ACOT7: variants seen among roughly 807,000 people sequenced by gnomAD.
The protein encoded by ACOT7 is cytosolic acyl coenzyme A thioester hydrolase.
Under a neutral mutation model 40.2 loss-of-function variants are expected in ACOT7, and 12 were observed. The ratio of observed to expected loss-of-function variants is 0.30; its 90% CI spans 0.19 to 0.48. ACOT7 has a LOEUF of 0.48. ACOT7 is among the 20% of genes least tolerant of loss of function. The pLI, the probability that ACOT7 is intolerant of heterozygous loss-of-function variation, is 0.99. For synonymous variants in ACOT7, 228 were observed against 219.5 expected (o/e 1.04, Z -0.34); for missense variants, 395 against 530.8 (o/e 0.74, Z 2.51).
rs547859719 is a variant in ACOT7 at position 6,333,507 on chromosome 1, C to T, written c.480G>A (p.Val160=). The T allele has an allele frequency of 6.2e-7, 1 of 1,614,232 alleles. No homozygotes were observed. The highest frequency in any genetic ancestry group is 8.5e-7 in the Non-Finnish European group (1 of 1,180,036). Residue 160 remains valine (V), a synonymous_variant, in exon 4 of 9, where the codon GTG becomes GTA. Coordinates refer to ENST00000361521, the MANE Select transcript of ACOT7 (RefSeq NM_007274.4). ...CAGGAGGCACCTCGAGGACCTTGTC[C>T]ACATTCTTCAGCGACAGGGGCACAT... ...LWYVPLSLKN[V]DKVLEVPPVV... is the part of the protein sequence containing the mutation.
At chr1:6,312,307 C>T (rs779110236) in intron 6 of ACOT7, among the ~76,000 whole-genome samples, 1 of 152,112 alleles carries the variant, frequency 6.6e-6, no homozygotes, top group Non-Finnish European at 1.5e-5. Context: ...TCAATAATAA[C>T]GTAATTGTAC....
intron 7 of ACOT7, among the ~76,000 whole-genome samples, chr1:6,292,889 CTTTTTTTTT>C (rs973103642): frequency 4.8e-5 from 6 of 125,102 alleles, no homozygotes; most frequent in Non-Finnish European, 8.4e-5. Flanking sequence ...ATTTCTTTTT[CTTTTTTTTT>C]TTTTTTTTTG....
At chr1:6,291,718 C>G (rs549282576) in intron 7 of ACOT7, among the ~76,000 whole-genome samples, 3 of 152,120 alleles carry the variant, frequency 2.0e-5, no homozygotes, top group Non-Finnish European at 2.9e-5. Flanking sequence ...ATGGTATGGT[C>G]GAAGTGAGAG....
intron 5 of ACOT7, among the ~76,000 whole-genome samples, chr1:6,322,113 G>C (rs1557649714): frequency 6.6e-6 from 1 of 152,190 alleles, no homozygotes; most frequent in Non-Finnish European, 1.5e-5. Flanking sequence ...AGGATGTCGG[G>C]GCCCCCAGGG....
rs979330767 is a variant in ACOT7, at chr1:6,352,017, C to T, written c.144-2151G>A. 2.6e-5 allele frequency among the ~76,000 whole-genome samples: 4 copies of T among 152,272 alleles called. No homozygotes were observed. Among genetic ancestry groups the T allele is most frequent in the Non-Finnish European group, 2.9e-5 (2 of 68,020 alleles). ...TACATGCCAGGAACTGCAGACCGCA[C>T]GCCAGCTGGCTACCACGGGCCTGGC... On this transcript the variant is annotated intron_variant, in intron 1 of 8. Coordinates refer to ENST00000361521, the MANE Select transcript of ACOT7 (RefSeq NM_007274.4). This position sits in a 1 kb window ranked among gnomAD's most constrained non-coding sequence, Gnocchi z 4.5.
At chr1:6,337,796 G>A (rs192664681) in intron 3 of ACOT7, among the ~76,000 whole-genome samples, 20 of 152,184 alleles carry the variant, frequency 1.3e-4, no homozygotes, top group East Asian at 5.8e-4. Flanking sequence ...CCATCATGGC[G>A]AAACCCTGTC....
rs142275523 is a variant in ACOT7 at position 6,275,796 on chromosome 1, G to C, written c.1014+5306C>G. 6.6e-6 allele frequency among the ~76,000 whole-genome samples: 1 copy of C among 151,808 alleles called. No homozygotes were observed. Among genetic ancestry groups the C allele is most frequent in the African/African-American group, 2.4e-5 (1 of 41,300 alleles). On this transcript the variant is annotated intron_variant, in intron 8 of 8. Transcript: ENST00000361521. The surrounding 1 kb of genome is among the most constrained non-coding windows in gnomAD (Gnocchi z 5.6). ...CCCACTTCCATCCAGAAAACATTTC[G>C]GTGGCTAAAGACTGAAGCTCGGAGT...
At chr1:6,268,570 G>A (rs1452075544) in intron 8 of ACOT7, among the ~76,000 whole-genome samples, 1 of 152,222 alleles carries the variant, frequency 6.6e-6, no homozygotes, top group African/African-American at 2.4e-5. Flanking sequence ...GTGCACAGGC[G>A]CGATTTTCCC....
Position 6,338,017 on chromosome 1 carries a change from A to AG in ACOT7, c.418+1415_418+1416insC, listed in dbSNP as rs1641155418. ...CACCATCTCAAAAAAAAAAAAAAAAAAAAAAAGAAACCTGCTCTTCAGGGC... is the reference window on the plus strand; with the variant it reads ...CACCATCTCAAAAAAAAAAAAAAAAAGAAAAAAGAAACCTGCTCTTCAGGGC... On this transcript the variant is annotated intron_variant, in intron 3 of 8. Coordinates refer to ENST00000361521, the MANE Select transcript of ACOT7 (RefSeq NM_007274.4). The surrounding 1 kb of genome is among the most constrained non-coding windows in gnomAD (Gnocchi z 4.4). Among the ~76,000 whole-genome samples the AG allele has an allele frequency of 6.7e-6, 1 of 150,178 alleles. No homozygotes were observed. Among genetic ancestry groups the AG allele is most frequent in the Non-Finnish European group, 1.5e-5 (1 of 67,784 alleles).
Position 6,282,119 on chromosome 1 carries a change from T to C in ACOT7, c.830-833A>G, listed in dbSNP as rs1356037399. On this transcript the variant is annotated intron_variant, in intron 7 of 8. Coordinates refer to ENST00000361521, the MANE Select transcript of ACOT7 (RefSeq NM_007274.4). This position sits in a 1 kb window ranked among gnomAD's most constrained non-coding sequence, Gnocchi z 4.5. Reference sequence around the variant, plus strand: ...CCCCACGCTCCCCAGGGCACGACAGTCCATCCTGGCAGAAGCTTCCTGACC... The same window carrying C: ...CCCCACGCTCCCCAGGGCACGACAGCCCATCCTGGCAGAAGCTTCCTGACC... Among the ~76,000 whole-genome samples the C allele has an allele frequency of 6.6e-6, 1 of 151,998 alleles. No homozygotes were observed.
intron 1 of ACOT7, among the ~76,000 whole-genome samples, chr1:6,368,376 A>G (rs1415489397): frequency 1.3e-5 from 2 of 152,228 alleles, no homozygotes; most frequent in East Asian, 1.9e-4. Flanking sequence ...CAGGTCCCCA[A>G]AGTGAATGCC....
intron 1 of ACOT7, among the ~76,000 whole-genome samples, chr1:6,360,218 C>G (rs1641856891): frequency 6.6e-6 from 1 of 152,274 alleles, no homozygotes; most frequent in Non-Finnish European, 1.5e-5. Flanking sequence ...TGCTTAATGT[C>G]TAGAAGCCAG....
chr1:6,300,382 C>T (rs1639932669), intron 6 of ACOT7, among the ~76,000 whole-genome samples: 1 of 151,706 alleles, frequency 6.6e-6, no homozygotes, highest in African/African-American at 2.4e-5. Flanking sequence ...AGGAACTCGG[C>T]TGCAAAGTCA....
chr1:6,281,040 A>C (rs1639341388), intron 8 of ACOT7, 62 bp downstream of exon 8: 2 of 1,568,088 alleles, frequency 1.3e-6, no homozygotes, highest in South Asian at 2.3e-5. Context: ...TGGAGGCCCA[A>C]ACACAGGGAC....
chr1:6,267,793 G>T (rs2148360952), intron 8 of ACOT7, among the ~76,000 whole-genome samples: 1 of 152,326 alleles, frequency 6.6e-6, no homozygotes, highest in Middle Eastern at 3.4e-3. Flanking sequence ...TCCTGGGATG[G>T]TCTCTTCATT....
chr1:6,383,273 C>T (rs1362703804), intron 1 of ACOT7, among the ~76,000 whole-genome samples: 1 of 150,366 alleles, frequency 6.7e-6, no homozygotes, highest in African/African-American at 2.4e-5. Context: ...CTGCAAGCTC[C>T]GCCTCCCGGG....
chr1:6,321,874 A>C (rs1171472622), intron 5 of ACOT7, among the ~76,000 whole-genome samples: 1 of 152,174 alleles, frequency 6.6e-6, no homozygotes, highest in East Asian at 1.9e-4. Flanking sequence ...AGGCTTTTCC[A>C]ATCTTTTCAT....
At chr1:6,323,716 C>CAAA (rs1171499592) in intron 5 of ACOT7, among the ~76,000 whole-genome samples, 12 of 69,122 alleles carry the variant, frequency 1.7e-4, no homozygotes, top group South Asian at 1.4e-3. Context: ...AGACTTGTCT[C>CAAA]AAAAAAAAAA....
Position 6,299,485 on chromosome 1 carries a change from A to C in ACOT7, c.713-4505T>G, listed in dbSNP as rs561211971. On this transcript the variant is annotated intron_variant, in intron 6 of 8. Transcript: ENST00000361521. The surrounding 1 kb of genome is among the most constrained non-coding windows in gnomAD (Gnocchi z 4.1). ...AGTTGGCCTCCCCTTACCAGGCACC[A>C]CACACAGAGGGCATAGAGGACAGTC... 6.6e-6 allele frequency among the ~76,000 whole-genome samples: 1 copy of C among 152,112 alleles called. No individual in the cohort carries two copies. Among genetic ancestry groups the C allele is most frequent in the South Asian group, 2.1e-4 (1 of 4,810 alleles).
Sources: allele counts gnomAD v4.1 joint callset (sites outside exome capture counted in the v4.1 genomes callset), GRCh38; gene constraint gnomAD v4.1.1; non-coding constraint Gnocchi (gnomAD v3.1); transcripts MANE v1.5; gene names NCBI Gene and HGNC (gene_info 2026-07-23, HGNC 2026-07-21).